Variants in BTG4 observed in about 807,000 individuals in gnomAD.
BTG4 encodes BTG anti-proliferation factor 4.
In BTG4, 10 loss-of-function variants were observed where a neutral mutation model predicts 19.3. The observed-to-expected ratio is 0.52, with a 90% confidence interval of 0.32 to 0.88. BTG4 has a LOEUF of 0.88. Ranked by LOEUF, BTG4 falls within the 40% of genes least tolerant of loss-of-function variation. The pLI, the probability that BTG4 is intolerant of heterozygous loss-of-function variation, is 0.04. For missense variants in BTG4, 238 were observed against 281.9 expected, an observed-to-expected ratio of 0.84 and a Z score of 1.11; for synonymous variants, 91 against 95.7, an observed-to-expected ratio of 0.95 and a Z score of 0.29.
the BTG4 span, among the ~76,000 whole-genome samples, chr11:111,426,630 T>C: frequency 6.6e-6 from 1 of 152,068 alleles, no homozygotes; most frequent in Non-Finnish European, 1.5e-5. Flanking sequence ...AGTTTTCCCA[T>C]TGCTACCAGA....
At chr11:111,390,903 G>C in the BTG4 span, among the ~76,000 whole-genome samples, 1 of 152,230 alleles carries the variant, frequency 6.6e-6, no homozygotes, top group Non-Finnish European at 1.5e-5. Flanking sequence ...CAGGCAGATT[G>C]CTAAGCTGAC....
chr11:111,409,643 A>G, the BTG4 span, among the ~76,000 whole-genome samples: 3 of 152,278 alleles, frequency 2.0e-5, no homozygotes, highest in African/African-American at 7.2e-5. Flanking sequence ...TGTCTTTATA[A>G]ACTACCTAAT....
chr11:111,421,208 A>G, the BTG4 span, among the ~76,000 whole-genome samples: 3 of 152,182 alleles, frequency 2.0e-5, no homozygotes. Context: ...AGACTATCTA[A>G]AGGGTTTTTA....
At chr11:111,458,185 G>A in the BTG4 span, 1 of 152,808 alleles carries the variant, frequency 6.5e-6, no homozygotes, top group Non-Finnish European at 1.5e-5. Flanking sequence ...AGAGGCAGCT[G>A]GTGACAGCAG....
intron 1 of BTG4, among the ~76,000 whole-genome samples, chr11:111,501,850 A>C (rs1866104047): frequency 6.6e-6 from 1 of 152,226 alleles, no homozygotes; most frequent in Non-Finnish European, 1.5e-5. Context: ...GTGGCTGAGC[A>C]TCTTGATATC....
chr11:111,467,708 G>A (rs11603646), intron 5 of BTG4: 37,894 of 741,680 alleles, frequency 0.051, 1,234 homozygotes, highest in Middle Eastern at 0.084. Context: ...ATAAATGAAA[G>A]CAAAAAGAAC....
the BTG4 span, among the ~76,000 whole-genome samples, chr11:111,411,763 C>G: frequency 6.6e-6 from 1 of 152,164 alleles, no homozygotes; most frequent in Non-Finnish European, 1.5e-5. Flanking sequence ...TTATGTCTGT[C>G]TCCTCCAACA....
chr11:111,500,510 CTAA>C lies in BTG4; in HGVS notation c.-26-1711_-26-1709del, dbSNP rs534434582. Among the ~76,000 whole-genome samples, 6 of 152,342 alleles carry C rather than the reference CTAA, an allele frequency of 3.9e-5. No individual in the cohort carries two copies. The South Asian group carries it at 1.2e-3, about 32-fold the overall frequency. ...CCTTCTGGAACTACACCAATCGTGT[CTAA>C]TGTTCCACCACATGATGACATTTCA... On this transcript the variant is annotated intron_variant, in intron 1 of 4. Transcript: ENST00000692032.
the BTG4 span, chr11:111,457,873 A>G: frequency 6.6e-6 from 1 of 152,264 alleles, no homozygotes; most frequent in Non-Finnish European, 1.5e-5. Flanking sequence ...GAGGGCTGCG[A>G]GATGCTTCGG....
chr11:111,427,486 G>T, the BTG4 span, among the ~76,000 whole-genome samples: 3 of 152,104 alleles, frequency 2.0e-5, no homozygotes, highest in African/African-American at 7.2e-5. Context: ...AACAACAGAA[G>T]AATAAAAAGA....
chr11:111,505,563 C>T (rs1055660521), intron 1 of BTG4, among the ~76,000 whole-genome samples: 4 of 151,878 alleles, frequency 2.6e-5, no homozygotes, highest in East Asian at 1.9e-4. Context: ...TTATGGACAT[C>T]GGCTTAGGCA....
In BTG4 at chr11:111,495,243, A is replaced by T; in HGVS notation, c.582T>A (p.Arg194=). ...IPRKKNVVDG[R]VGLLGNTYHG... The stretch of plus-strand genomic sequence containing the variant: ...GGTAAGTGTTTCCCAGGAGGCCAAC[A>T]CGGCCGTCCACCACATTCTTTTTGC... The change falls in exon 5 of 5, where the codon CGT becomes CGA. Residue 194 remains arginine, a synonymous_variant. Transcript: ENST00000692032. 1.2e-6 allele frequency: 2 copies of T among 1,612,662 alleles called. No individual in the cohort carries two copies. The highest frequency in any genetic ancestry group is 1.7e-6 in the Non-Finnish European group (2 of 1,179,522).
chr11:111,385,224 T>C, the BTG4 span: 1 of 152,156 alleles, frequency 6.6e-6, no homozygotes, highest in African/African-American at 2.4e-5. Context: ...CATTTAACTT[T>C]TGAGCATTCT....
the BTG4 span, among the ~76,000 whole-genome samples, chr11:111,436,027 G>A: frequency 5.3e-5 from 8 of 152,162 alleles, no homozygotes; most frequent in Admixed American, 3.3e-4. Context: ...ATAACCACCA[G>A]ATATATTTTT....
the BTG4 span, among the ~76,000 whole-genome samples, chr11:111,383,905 TAC>T: frequency 6.6e-6 from 1 of 152,226 alleles, no homozygotes; most frequent in African/African-American, 2.4e-5. Context: ...TTTTTATTAT[TAC>T]AGTTTTTAAA....
the BTG4 span, among the ~76,000 whole-genome samples, chr11:111,456,188 T>C: frequency 2.0e-5 from 3 of 152,128 alleles, no homozygotes; most frequent in Admixed American, 1.3e-4. This position sits in a 1 kb window ranked among gnomAD's most constrained non-coding sequence, Gnocchi z 4.2. Flanking sequence ...AACGGCCAAG[T>C]TTGGTAAATG....
chr11:111,418,391 G>A, the BTG4 span, among the ~76,000 whole-genome samples: 1 of 152,216 alleles, frequency 6.6e-6, no homozygotes. Context: ...CTTTAGGCTT[G>A]GCCATCATCA....
the BTG4 span, among the ~76,000 whole-genome samples, chr11:111,394,580 C>A: frequency 6.6e-6 from 1 of 152,118 alleles, no homozygotes; most frequent in Non-Finnish European, 1.5e-5. Flanking sequence ...TATAAGATAC[C>A]CAGTCTTGGG....
At chr11:111,501,613 G>A (rs988664976) in intron 1 of BTG4, among the ~76,000 whole-genome samples, 1 of 152,180 alleles carries the variant, frequency 6.6e-6, no homozygotes, top group Admixed American at 6.5e-5. Context: ...TTCTAGTACA[G>A]TAGACAAATT....
Sources: allele counts gnomAD v4.1 joint callset (sites outside exome capture counted in the v4.1 genomes callset), GRCh38; gene constraint gnomAD v4.1.1; non-coding constraint Gnocchi (gnomAD v3.1); transcripts MANE v1.5; gene names NCBI Gene and HGNC (gene_info 2026-07-23, HGNC 2026-07-21).